The following GHR variants were observed in gnomAD, a reference collection of about 807,000 sequenced individuals.
The protein encoded by GHR is GH receptor.
GHR carries 35 observed loss-of-function variants against 67.1 expected under a neutral mutation model. That is an observed-to-expected ratio of 0.52 (90% CI 0.40 to 0.69). The LOEUF (loss-of-function observed/expected upper bound fraction) is 0.69. Ranked by LOEUF, GHR falls within the 30% of genes least tolerant of loss-of-function variation. The pLI, the probability that GHR is intolerant of heterozygous loss-of-function variation, is 0.00. For synonymous variants in GHR, 272 were observed against 269.1 expected (o/e 1.01, Z -0.10); for missense variants, 792 against 764.6 (o/e 1.04, Z -0.42).
chr5:42,508,495 A>G (rs1746871085), intron 1 of GHR, among the ~76,000 whole-genome samples: 1 of 152,246 alleles, frequency 6.6e-6, no homozygotes, highest in African/African-American at 2.4e-5. Flanking sequence ...TTTATTATAA[A>G]TAGTGAGACC....
chr5:42,454,741 C>A (rs12522421), intron 1 of GHR, among the ~76,000 whole-genome samples: 4 of 152,072 alleles, frequency 2.6e-5, no homozygotes, highest in African/African-American at 9.7e-5. Flanking sequence ...TTTAGATCCA[C>A]GCCTCCTGCT....
intron 1 of GHR, among the ~76,000 whole-genome samples, chr5:42,506,257 T>G (rs917331900): frequency 2.6e-5 from 4 of 152,192 alleles, no homozygotes; most frequent in African/African-American, 7.2e-5. Context: ...AATGTGGAAT[T>G]TTTTTCCCAA....
At chr5:42,574,883 G>A (rs754948646) in intron 2 of GHR, among the ~76,000 whole-genome samples, 24 of 152,034 alleles carry the variant, frequency 1.6e-4, no homozygotes, top group South Asian at 2.1e-4. Context: ...TAAAGCAGAG[G>A]GTAAAAGGAA....
intron 2 of GHR, among the ~76,000 whole-genome samples, chr5:42,609,811 T>G (rs1344299796): frequency 2.0e-5 from 3 of 152,214 alleles, no homozygotes; most frequent in African/African-American, 7.2e-5. Flanking sequence ...TCAAAATCCT[T>G]TTCTGTAATT....
chr5:42,480,038 C>T (rs1438051487), intron 1 of GHR, among the ~76,000 whole-genome samples: 5 of 152,142 alleles, frequency 3.3e-5, no homozygotes, highest in Non-Finnish European at 7.3e-5. Flanking sequence ...CTATAAATTT[C>T]CCTCTGCACA....
At chr5:42,522,605 A>G (rs779314152) in intron 1 of GHR, among the ~76,000 whole-genome samples, 11 of 152,184 alleles carry the variant, frequency 7.2e-5, no homozygotes, top group Non-Finnish European at 1.6e-4. Flanking sequence ...ACAAATCAAA[A>G]AGTCCACACC....
rs145280931 is a variant in GHR at position 42,718,101 on chromosome 5, A to C, written c.925A>C (p.Ile309Leu). ...PPVPVPKIKGIDPDLLKEGKL... is the reference protein window; with the variant it reads ...PPVPVPKIKGLDPDLLKEGKL... ...AGTTCCAGTTCCAAAGATTAAAGGA[A>C]TCGATCCAGATCTCCTCAAGGTAAC... The change falls in exon 9 of 10, where the codon ATC (isoleucine) becomes CTC (leucine). Residue 309 changes from isoleucine to leucine, a missense_variant. Ile to Leu is a conservative substitution (Grantham distance 5, BLOSUM62 2). Coordinates refer to ENST00000230882, the MANE Select transcript of GHR (RefSeq NM_000163.5). 4 of 1,532,926 alleles carry C rather than the reference A, an allele frequency of 2.6e-6. No individual in the cohort carries two copies. The East Asian group carries it at 9.0e-5, about 35-fold the overall frequency. 95.0% of individuals were successfully genotyped at this position (1,532,926 alleles called of 1,614,324 possible).
intron 2 of GHR, 70 bp downstream of exon 2, chr5:42,566,014 A>T: frequency 6.5e-7 from 1 of 1,546,710 alleles, no homozygotes; most frequent in Non-Finnish European, 8.9e-7. Context: ...GCTACATCCA[A>T]GTTTTTTGGA....
intron 4 of GHR, 101 bp from the exon 5 acceptor site, chr5:42,694,816 G>C (rs567923071): frequency 2.3e-6 from 2 of 880,178 alleles, no homozygotes; most frequent in Non-Finnish European, 3.9e-6. Flanking sequence ...CAAAATATTT[G>C]TCTTCCAATT....
chr5:42,678,170 A>G, intron 3 of GHR, among the ~76,000 whole-genome samples: 1 of 152,184 alleles, frequency 6.6e-6, no homozygotes, highest in Non-Finnish European at 1.5e-5. Context: ...TTTGCCCAAG[A>G]TTACAGATTG....
At chr5:42,555,513 G>T (rs1427822222) in intron 1 of GHR, among the ~76,000 whole-genome samples, 1 of 152,110 alleles carries the variant, frequency 6.6e-6, no homozygotes, top group Non-Finnish European at 1.5e-5. Flanking sequence ...GTAAAGGCAG[G>T]CCTTGGAAAG....
At chr5:42,508,366 C>T (rs761872624) in intron 1 of GHR, among the ~76,000 whole-genome samples, 7 of 152,138 alleles carry the variant, frequency 4.6e-5, no homozygotes, top group Non-Finnish European at 1.0e-4. Flanking sequence ...ATGGAGGAGG[C>T]AGGTGCATAA....
At position 42,590,810 on chromosome 5, in the gene GHR, G is replaced by T. The variant is rs533113377; in HGVS notation, c.70+24866G>T. 2.3e-3 allele frequency among the ~76,000 whole-genome samples: 351 copies of T among 152,304 alleles called. 1 individual carries two copies. Among genetic ancestry groups the T allele is most frequent in the African/African-American group, 8.1e-3 (337 of 41,572 alleles). On this transcript the variant is annotated intron_variant, in intron 2 of 9. Transcript: ENST00000230882. ...GAAACATGGTTGTGTCCCTAGAACTGGTGAGGCTGGAACAAGGTGTACAGA... is the reference window on the plus strand; with the variant it reads ...GAAACATGGTTGTGTCCCTAGAACTTGTGAGGCTGGAACAAGGTGTACAGA...
chr5:42,514,556 G>A (rs1420697069), intron 1 of GHR, among the ~76,000 whole-genome samples: 1 of 152,146 alleles, frequency 6.6e-6, no homozygotes, highest in Non-Finnish European at 1.5e-5. Flanking sequence ...CAGATGCTGG[G>A]GTTGAGAAAT....
intron 1 of GHR, among the ~76,000 whole-genome samples, chr5:42,477,265 T>C (rs1382217162): frequency 1.3e-5 from 2 of 152,312 alleles, no homozygotes; most frequent in Admixed American, 6.5e-5. Context: ...CCACATTTGC[T>C]TAATCCAGTC....
intron 1 of GHR, among the ~76,000 whole-genome samples, chr5:42,463,506 C>T (rs895542446): frequency 1.3e-5 from 2 of 152,060 alleles, no homozygotes; most frequent in South Asian, 2.1e-4. Flanking sequence ...CTAAAATTTG[C>T]GTGCAGATGA....
intron 1 of GHR, among the ~76,000 whole-genome samples, chr5:42,508,993 T>G (rs1009092969): frequency 1.3e-5 from 2 of 152,234 alleles, no homozygotes; most frequent in Non-Finnish European, 2.9e-5. Flanking sequence ...GGTGGTTATT[T>G]GCTACTTGGT....
At chr5:42,444,960 A>T (rs891353756) in intron 1 of GHR, among the ~76,000 whole-genome samples, 6 of 152,166 alleles carry the variant, frequency 3.9e-5, no homozygotes, top group Admixed American at 3.3e-4. Flanking sequence ...TGAATTCAGG[A>T]TCTATGTCTA....
At chr5:42,575,043 T>G (rs961531297) in intron 2 of GHR, among the ~76,000 whole-genome samples, 1 of 127,294 alleles carries the variant, frequency 7.9e-6, no homozygotes. Context: ...ATCAAATTCC[T>G]CTGGTACTTA....
Sources: allele counts gnomAD v4.1 joint callset (sites outside exome capture counted in the v4.1 genomes callset), GRCh38; gene constraint gnomAD v4.1.1; transcripts MANE v1.5; gene names NCBI Gene and HGNC (gene_info 2026-07-23, HGNC 2026-07-21).